The following ARHGEF18 variants were observed in gnomAD, a reference collection of about 807,000 sequenced individuals.
The protein encoded by ARHGEF18 is rho guanine nucleotide exchange factor 18.
ARHGEF18 carries 93 observed loss-of-function variants against 155.7 expected under a neutral mutation model. The ratio of observed to expected loss-of-function variants is 0.60; its 90% CI spans 0.50 to 0.71. The LOEUF (loss-of-function observed/expected upper bound fraction) is 0.71. Ranked by LOEUF, ARHGEF18 falls within the 30% of genes least tolerant of loss-of-function variation. ARHGEF18 has a pLI of 0.00. For synonymous variants in ARHGEF18, 742 were observed against 753.1 expected (o/e 0.99, Z 0.24); for missense variants, 1,593 against 1,816.1 (o/e 0.88, Z 2.23).
At position 7,466,804 on chromosome 19, in the gene ARHGEF18, C is replaced by CAAAAAAAAAAAA. The variant is rs965666634; in HGVS notation, c.2905-103_2905-92dup. The CAAAAAAAAAAAA allele has an allele frequency of 1.4e-4, 71 of 495,980 alleles. 2 individuals are homozygous for CAAAAAAAAAAAA. The African/African-American group carries it at 2.8e-3, about 20-fold the overall frequency. The allele number at this position is 495,980 out of a possible 1,614,324, so 30.7% of individuals were successfully genotyped here. Reference sequence around the variant, plus strand: ...GGGCAACAAGAGCAGAATTCCGTCTCAAAAAAAAAAAAAAAAAAAAAAGTT... The same window carrying CAAAAAAAAAAAA: ...GGGCAACAAGAGCAGAATTCCGTCTCAAAAAAAAAAAAAAAAAAAAAAAAAAAAAAAAAAGTT... On this transcript the variant is annotated intron_variant, in intron 23 of 28. Coordinates refer to ENST00000668164, the MANE Select transcript of ARHGEF18 (RefSeq NM_001367823.1).
chr19:7,441,523 T>C (rs1025138138), intron 11 of ARHGEF18, 130 bp from the exon 12 acceptor site: 3 of 703,190 alleles, frequency 4.3e-6, no homozygotes, highest in African/African-American at 3.6e-5. Flanking sequence ...AAGTTGAGGC[T>C]TCTGTGAAAA....
At chr19:7,433,366 C>G (rs1003864139) in intron 10 of ARHGEF18, among the ~76,000 whole-genome samples, 2 of 151,780 alleles carry the variant, frequency 1.3e-5, no homozygotes, top group African/African-American at 4.8e-5. Flanking sequence ...ACTCGGGAGG[C>G]TGAGGCAGGA....
At chr19:7,399,572 CCGGGTTCA>C (rs1433176328) in intron 10 of ARHGEF18, among the ~76,000 whole-genome samples, 1 of 151,654 alleles carries the variant, frequency 6.6e-6, no homozygotes, top group Non-Finnish European at 1.5e-5. Flanking sequence ...AGCTCCACCT[CCGGGTTCA>C]CGCCATTCTC....
At chr19:7,404,309 C>G (rs186777454) in intron 10 of ARHGEF18, among the ~76,000 whole-genome samples, 3 of 152,026 alleles carry the variant, frequency 2.0e-5, no homozygotes, top group African/African-American at 7.2e-5. Flanking sequence ...GTTAGATGCT[C>G]GAGGGGCTTC....
intron 10 of ARHGEF18, among the ~76,000 whole-genome samples, chr19:7,433,507 CAA>C (rs35825715): frequency 2.2e-3 from 129 of 58,290 alleles, no homozygotes; most frequent in African/African-American, 7.4e-3. Flanking sequence ...ACTCCGTCTC[CAA>C]AAAAAAAAAA....
intron 10 of ARHGEF18, among the ~76,000 whole-genome samples, chr19:7,389,719 G>A (rs141114343): frequency 0.011 from 1,719 of 151,842 alleles, 36 homozygotes; most frequent in African/African-American, 0.038. Flanking sequence ...ATTTTTAGTA[G>A]AGACAGGGTT....
chr19:7,442,398 G>A (rs998205703), intron 13 of ARHGEF18, among the ~76,000 whole-genome samples: 28 of 151,870 alleles, frequency 1.8e-4, no homozygotes, highest in Non-Finnish European at 8.8e-5. Context: ...TACACCTGGC[G>A]AATTTTTTTA....
At chr19:7,375,613 C>T (rs1383121686) in intron 3 of ARHGEF18, 107 bp from the exon 4 acceptor site, 5 of 1,134,410 alleles carry the variant, frequency 4.4e-6, no homozygotes, top group Admixed American at 8.5e-5. Context: ...CCTTCCTTGT[C>T]CTGGAAGGGC....
At chr19:7,438,295 C>T (rs970400796) in intron 10 of ARHGEF18, among the ~76,000 whole-genome samples, 13 of 150,752 alleles carry the variant, frequency 8.6e-5, no homozygotes, top group Non-Finnish European at 1.6e-4. Flanking sequence ...GAGACGGGGT[C>T]TTGCTATGTT....
intron 5 of ARHGEF18, among the ~76,000 whole-genome samples, chr19:7,377,251 A>G (rs1970504710): frequency 6.6e-6 from 1 of 151,960 alleles, no homozygotes; most frequent in African/African-American, 2.4e-5. Flanking sequence ...TTGTATTTTT[A>G]GTAGACACAG....
At chr19:7,379,515 C>T (rs1970627714) in intron 7 of ARHGEF18, among the ~76,000 whole-genome samples, 2 of 152,228 alleles carry the variant, frequency 1.3e-5, no homozygotes, top group Middle Eastern at 3.4e-3. Flanking sequence ...GCTGAGACTG[C>T]ACCATTGTAC....
chr19:7,408,604 T>A (rs969176355), intron 10 of ARHGEF18, among the ~76,000 whole-genome samples: 4 of 152,250 alleles, frequency 2.6e-5, no homozygotes, highest in Admixed American at 6.5e-5. Flanking sequence ...GTTGACCTCT[T>A]CACAATCTGG....
chr19:7,441,659 C>T lies in ARHGEF18; in HGVS notation c.1113C>T (p.Ile371=). 6.2e-7 allele frequency: 1 copy of T among 1,613,960 alleles called. No individual in the cohort carries two copies. Among genetic ancestry groups the T allele is most frequent in the Non-Finnish European group, 8.5e-7 (1 of 1,179,846 alleles). ...TTTTATTGTTTGCACTCAGACCAAT[C>T]ACAGGAGAGATGGATGAAGCCGATT... ...PAGPGTQLGP[I]TGEMDEADSA... is the part of the protein sequence containing the mutation. Residue 371 remains isoleucine, a synonymous_variant, in exon 12 of 29, where the codon ATC becomes ATT. Transcript: ENST00000668164.
chr19:7,398,631 C>T (rs1971855763), intron 10 of ARHGEF18, among the ~76,000 whole-genome samples: 1 of 149,194 alleles, frequency 6.7e-6, no homozygotes, highest in Non-Finnish European at 1.5e-5. Flanking sequence ...GCAGAGGTTG[C>T]AGTGAGCCGA....
chr19:7,395,931 G>C lies in ARHGEF18; in HGVS notation c.967+12728G>C, dbSNP rs140661642. On this transcript the variant is annotated intron_variant, in intron 10 of 28. Coordinates refer to ENST00000668164, the MANE Select transcript of ARHGEF18 (RefSeq NM_001367823.1). The surrounding 1 kb of genome is among the most constrained non-coding windows in gnomAD (Gnocchi z 5.0). ...TGCGTGATGCTGAGGTTTGGGGTGTGACTGATCTCGTCACCCAGGTACTGA... is the reference window on the plus strand; with the variant it reads ...TGCGTGATGCTGAGGTTTGGGGTGTCACTGATCTCGTCACCCAGGTACTGA... Among the ~76,000 whole-genome samples, 439 of 151,958 alleles carry C rather than the reference G, an allele frequency of 2.9e-3. 1 individual carries two copies. The highest frequency in any genetic ancestry group is 7.3e-3 in the Admixed American group (111 of 15,284).
At chr19:7,392,207 C>T (rs1971440431) in intron 10 of ARHGEF18, among the ~76,000 whole-genome samples, 1 of 139,936 alleles carries the variant, frequency 7.1e-6, no homozygotes, top group Non-Finnish European at 1.5e-5. Context: ...CACCACTGCA[C>T]TCCAGCTTGG....
chr19:7,458,936 C>T (rs895160595), intron 19 of ARHGEF18, among the ~76,000 whole-genome samples: 1 of 152,222 alleles, frequency 6.6e-6, no homozygotes, highest in African/African-American at 2.4e-5. Flanking sequence ...ATGGCGGGCT[C>T]TCTGCATTCT....
At chr19:7,399,819 C>A (rs1208587007) in intron 10 of ARHGEF18, among the ~76,000 whole-genome samples, 2 of 148,356 alleles carry the variant, frequency 1.3e-5, no homozygotes, top group Non-Finnish European at 3.0e-5. Flanking sequence ...ATCACCTGGG[C>A]TGGAGAGCAG....
At chr19:7,372,407 G>A (rs79652720) in intron 2 of ARHGEF18, among the ~76,000 whole-genome samples, 2,939 of 151,916 alleles carry the variant, frequency 0.019, 124 homozygotes, top group African/African-American at 0.068. Context: ...GGGAGGAGAA[G>A]AGGGAAGTGA....
Sources: allele counts gnomAD v4.1 joint callset (sites outside exome capture counted in the v4.1 genomes callset), GRCh38; gene constraint gnomAD v4.1.1; non-coding constraint Gnocchi (gnomAD v3.1); transcripts MANE v1.5; gene names NCBI Gene and HGNC (gene_info 2026-07-23, HGNC 2026-07-21).